LETM2: variants seen among roughly 807,000 people sequenced by gnomAD.
LETM2 encodes LETM1 domain-containing protein LETM2, mitochondrial.
In LETM2, 58 loss-of-function variants were observed where a neutral mutation model predicts 59.6. That is an observed-to-expected ratio of 0.97 (90% CI 0.79 to 1.21). The LOEUF is 1.21. Among genes scored for constraint, LETM2 ranks in the 50% most tolerant of loss-of-function variants. The pLI is 0.00. For synonymous variants in LETM2, 199 were observed against 214.1 expected, an observed-to-expected ratio of 0.93 and a Z score of 0.62; for missense variants, 572 against 575.7, an observed-to-expected ratio of 0.99 and a Z score of 0.07.
intron 2 of LETM2, 101 bp downstream of exon 2, chr8:38,388,131 A>G (rs763499927): frequency 3.8e-6 from 3 of 787,922 alleles, no homozygotes; most frequent in Non-Finnish European, 6.1e-6. Context: ...CCCAGGCTGG[A>G]GTTCAATGGT....
intron 2 of LETM2, among the ~76,000 whole-genome samples, chr8:38,389,584 T>A (rs1002259398): frequency 2.0e-5 from 3 of 152,096 alleles, no homozygotes; most frequent in Non-Finnish European, 2.9e-5. Flanking sequence ...TTTTGGCCAT[T>A]CAAAGAGCGT....
chr8:38,396,222 G>C (rs1273288514), intron 4 of LETM2, among the ~76,000 whole-genome samples: 8 of 151,230 alleles, frequency 5.3e-5, no homozygotes, highest in African/African-American at 1.9e-4. Flanking sequence ...GGAGTGCAAT[G>C]GTGCGATCTC....
chr8:38,400,442 C>A, intron 5 of LETM2, 33 bp downstream of exon 5: 1 of 1,526,544 alleles, frequency 6.6e-7, no homozygotes, highest in African/African-American at 1.4e-5. Flanking sequence ...CGAACAACTT[C>A]GGGGCTGGGC....
At chr8:38,402,383 C>A in intron 6 of LETM2, 142 bp from the exon 7 acceptor site, 1 of 802,156 alleles carries the variant, frequency 1.2e-6, no homozygotes, top group Non-Finnish European at 2.0e-6. Flanking sequence ...TGCCACCTCC[C>A]TACGTCGCCT....
chr8:38,401,061 C>A lies in LETM2; in HGVS notation c.984+8C>A, dbSNP rs1462845277. 6.2e-7 allele frequency: 1 copy of A among 1,608,242 alleles called. No homozygotes were observed. Reference sequence around the variant, plus strand: ...ATAAAAGCAGATGATGAAGTAAGAGCTTAACCATAGCTCTAGGGAATTAGC... The same window carrying A: ...ATAAAAGCAGATGATGAAGTAAGAGATTAACCATAGCTCTAGGGAATTAGC... On this transcript the variant is annotated splice_region_variant and intron_variant, in intron 6 of 10. Coordinates refer to ENST00000379957, the MANE Select transcript of LETM2 (RefSeq NM_001286819.2).
At chr8:38,405,933 C>A (rs772397251) in intron 8 of LETM2, among the ~76,000 whole-genome samples, 61 of 152,242 alleles carry the variant, frequency 4.0e-4, no homozygotes, top group African/African-American at 1.1e-3. Context: ...TTTTCCCACC[C>A]ATGTTTTTAA....
upstream of LETM2, among the ~76,000 whole-genome samples, chr8:38,383,774 C>A (rs1811667369): frequency 6.6e-6 from 1 of 151,660 alleles, no homozygotes; most frequent in South Asian, 2.1e-4. Context: ...ACTAAAAATA[C>A]AAAAAATTAG....
In LETM2 at chr8:38,399,949, AAGAG is replaced by A. The variant is rs3138841; in HGVS notation, c.646-297_646-294del. Among the ~76,000 whole-genome samples the A allele has an allele frequency of 3.3e-3, 494 of 147,956 alleles. 3 individuals carry two copies. The highest frequency in any genetic ancestry group is 7.2e-3 in the African/African-American group (289 of 40,394). ...CAACAGAGTGGGACTTGATCTCAAA[AAGAG>A]AGAGAGAGAGAGAGAGAGAGAGAGA... On this transcript the variant is annotated intron_variant, in intron 4 of 10. Transcript: ENST00000379957.
At position 38,407,337 on chromosome 8, in the gene LETM2, C is replaced by A. The variant is rs747454133; in HGVS notation, c.1312-25C>A. The A allele has an allele frequency of 2.2e-5, 33 of 1,512,518 alleles. 1 individual carries two copies. In the South Asian group the frequency reaches 3.5e-4, roughly 16 times the overall value. 93.7% of individuals were successfully genotyped at this position (1,512,518 alleles called of 1,614,324 possible). A position where few individuals can be genotyped will look rare whatever the true frequency, so the allele number is the denominator to read the frequency against. On this transcript the variant is annotated intron_variant, in intron 9 of 10. Transcript: ENST00000379957. ...ACACATTTTCTTTTAAATCAGTAAC[C>A]CAACTCTCAGTTCTGATGTTTAAGG...
chr8:38,397,059 G>A (rs1014099189), intron 4 of LETM2: 22 of 454,504 alleles, frequency 4.8e-5, no homozygotes, highest in Non-Finnish European at 6.6e-5. Flanking sequence ...TCACTGTGCC[G>A]GTGAGAAAAC....
Position 38,400,134 on chromosome 8 carries a change from T to C in LETM2, c.646-138T>C, listed in dbSNP as rs1488273997. 8.4e-6 allele frequency: 5 copies of C among 595,428 alleles called. No individual in the cohort carries two copies. The East Asian group carries it at 1.2e-4, about 14-fold the overall frequency. 36.9% of individuals were successfully genotyped at this position (595,428 alleles called of 1,614,324 possible). ...TACTTGCTCTGGTCTCACAAACCCA[T>C]TCATCTATGCCTGAGAATCACGTTA... On this transcript the variant is annotated intron_variant, in intron 4 of 10. Transcript: ENST00000379957.
upstream of LETM2, chr8:38,383,494 G>A (rs1466549014): frequency 6.6e-6 from 1 of 152,120 alleles, no homozygotes; most frequent in African/African-American, 2.4e-5. Context: ...GATGTCTTTG[G>A]TACTATTACA....
rs1431435501 is a variant in LETM2, at chr8:38,393,006, A to G, written c.501+11A>G. On this transcript the variant is annotated intron_variant, in intron 3 of 10. Transcript: ENST00000379957. The stretch of plus-strand genomic sequence containing the variant: ...CGAGAGAGACGAAGGGTAGGCAAGA[A>G]TCATATTTGAGAAAGAAAATGTGAA... The G allele has an allele frequency of 6.4e-7, 1 of 1,563,676 alleles. No homozygotes were observed. The highest frequency in any genetic ancestry group is 1.9e-5 in the Admixed American group (1 of 53,208).
At chr8:38,407,488 A>T (rs1355831341) in intron 10 of LETM2, 25 bp downstream of exon 10, 1 of 1,427,944 alleles carries the variant, frequency 7.0e-7, no homozygotes, top group Non-Finnish European at 9.9e-7. Flanking sequence ...TAAATGAAAA[A>T]GAAAGAGAAG....
At chr8:38,391,311 T>G (rs1181193458) in intron 2 of LETM2, among the ~76,000 whole-genome samples, 1 of 145,096 alleles carries the variant, frequency 6.9e-6, no homozygotes, top group Non-Finnish European at 1.5e-5. Flanking sequence ...TTTTTTTTTT[T>G]TTTTTTTTTT....
rs1813979017 is a variant in LETM2 at position 38,409,070 on chromosome 8, C to T, written c.*796C>T. 6.6e-6 allele frequency: 1 copy of T among 152,172 alleles called. No individual in the cohort carries two copies. The highest frequency in any genetic ancestry group is 2.4e-5 in the African/African-American group (1 of 41,430). 9.4% of individuals were successfully genotyped at this position (152,172 alleles called of 1,614,324 possible). Reference sequence around the variant, plus strand: ...TATTAGTCATAGGGATTGTGAAAGTCTGATATAATCCCTGTGCTACCCAGC... The same window carrying T: ...TATTAGTCATAGGGATTGTGAAAGTTTGATATAATCCCTGTGCTACCCAGC... On this transcript the variant is annotated 3_prime_UTR_variant, in exon 11 of 11. Transcript: ENST00000379957.
Position 38,407,003 on chromosome 8 carries a change from ATGG to A in LETM2, c.1280_1282del (p.Val427del). On this transcript the variant is annotated inframe_deletion, in exon 9 of 11. Coordinates refer to ENST00000379957, the MANE Select transcript of LETM2 (RefSeq NM_001286819.2). ...TACTTTCACTGAATCTAAAGAGAACATGGTGGATCTTGCACCTCAACTGAAGGG... is the reference window on the plus strand; with the variant it reads ...TACTTTCACTGAATCTAAAGAGAACATGGATCTTGCACCTCAACTGAAGGG... The A allele has an allele frequency of 6.2e-7, 1 of 1,612,178 alleles. No individual in the cohort carries two copies.
chr8:38,404,458 C>T lies in LETM2; in HGVS notation c.1170C>T (p.Tyr390=). Residue 390 remains tyrosine (Y), a synonymous_variant, in exon 8 of 11, where the codon TAC becomes TAT. Coordinates refer to ENST00000379957, the MANE Select transcript of LETM2 (RefSeq NM_001286819.2). The part of the protein sequence containing the change: ...PSLLLLSRTF[Y]LIDVKPKPIE... ...TTTTGCTCCTGTCCCGCACCTTCTA[C>T]CTGATAGATGTGAAGCCCAAGCCGA... 1.2e-6 allele frequency: 2 copies of T among 1,614,132 alleles called. No individual in the cohort carries two copies. Among genetic ancestry groups the T allele is most frequent in the South Asian group, 1.1e-5 (1 of 91,084 alleles).
At chr8:38,382,743 G>A (rs1293345279), upstream of LETM2, 1 of 152,326 alleles carries the variant, frequency 6.6e-6, no homozygotes, top group African/African-American at 2.4e-5. This position sits in a 1 kb window ranked among gnomAD's most constrained non-coding sequence, Gnocchi z 4.2. Flanking sequence ...GGGCAGTCCA[G>A]GCGACCCCTC....
Sources: gnomAD v4.1 joint callset for allele counts (sites outside exome capture counted in the v4.1 genomes callset) on GRCh38, gnomAD v4.1.1 for gene constraint, Gnocchi (gnomAD v3.1) non-coding constraint, MANE v1.5 for transcripts, NCBI Gene and HGNC (gene_info 2026-07-23, HGNC 2026-07-21) for gene names.